COL28A1: variants seen among roughly 807,000 people sequenced by gnomAD.
COL28A1 encodes collagen type XXVIII alpha 1 chain.
A neutral mutation model predicts 150.2 loss-of-function variants in COL28A1; 161 were observed. The observed-to-expected ratio is 1.07, with a 90% confidence interval of 0.94 to 1.22. The LOEUF (loss-of-function observed/expected upper bound fraction) is 1.22. COL28A1 is among the 50% of genes most tolerant of loss of function. The pLI is 0.00. For missense variants in COL28A1, 1,617 were observed against 1,388.3 expected (o/e 1.16, Z -2.62); for synonymous variants, 552 against 469.7 (o/e 1.18, Z -2.26).
intron 11 of COL28A1, among the ~76,000 whole-genome samples, chr7:7,499,113 T>G (rs1001430033): frequency 1.3e-5 from 2 of 152,166 alleles, no homozygotes; most frequent in African/African-American, 2.4e-5. Flanking sequence ...CAGATGTGCA[T>G]GTAGGTCAAA....
chr7:7,377,387 G>A (rs886711032), intron 30 of COL28A1, among the ~76,000 whole-genome samples: 1 of 152,142 alleles, frequency 6.6e-6, no homozygotes, highest in African/African-American at 2.4e-5. Context: ...CCAGGAAGAA[G>A]CAGACAAACG....
chr7:7,444,556 G>C, intron 18 of COL28A1, 67 bp from the exon 19 acceptor site: 4 of 1,481,038 alleles, frequency 2.7e-6, no homozygotes, highest in Non-Finnish European at 3.8e-6. Context: ...CTTGCAATTG[G>C]ATGTATCTTA....
At chr7:7,375,347 A>G (rs1781484473) in intron 31 of COL28A1, 114 bp downstream of exon 31, 1 of 986,372 alleles carries the variant, frequency 1.0e-6, no homozygotes, top group Non-Finnish European at 1.4e-6. Context: ...AATGAGCTTC[A>G]CATTTTCCCG....
chr7:7,351,597 T>C (rs1429568356), downstream of COL28A1, among the ~76,000 whole-genome samples: 1 of 152,172 alleles, frequency 6.6e-6, no homozygotes, highest in Non-Finnish European at 1.5e-5. Flanking sequence ...GCTTTAGGGA[T>C]TCCTAATTTT....
At chr7:7,453,955 C>T (rs547271028) in intron 16 of COL28A1, among the ~76,000 whole-genome samples, 9 of 152,168 alleles carry the variant, frequency 5.9e-5, no homozygotes, top group Middle Eastern at 3.4e-3. Context: ...CTATCAAGAC[C>T]GATTAATAGA....
At chr7:7,471,336 A>AGC (rs1216442759) in intron 15 of COL28A1, among the ~76,000 whole-genome samples, 1 of 152,154 alleles carries the variant, frequency 6.6e-6, no homozygotes, top group Admixed American at 6.5e-5. Context: ...TCCACAAGAT[A>AGC]GAGAAAAAGG....
chr7:7,455,380 T>C (rs73346319), intron 16 of COL28A1, among the ~76,000 whole-genome samples: 2,353 of 152,326 alleles, frequency 0.015, 70 homozygotes, highest in African/African-American at 0.054. Context: ...CTTCACATTA[T>C]TTAGATTTAT....
chr7:7,374,597 C>T (rs548518280), intron 31 of COL28A1, among the ~76,000 whole-genome samples: 4 of 152,280 alleles, frequency 2.6e-5, no homozygotes, highest in African/African-American at 9.6e-5. Context: ...TTGCCAGAGT[C>T]ATCAGGAAAT....
intron 4 of COL28A1, among the ~76,000 whole-genome samples, chr7:7,522,675 C>T (rs1781790055): frequency 6.6e-6 from 1 of 151,990 alleles, no homozygotes; most frequent in South Asian, 2.1e-4. Flanking sequence ...AGGACATCAA[C>T]AACTCAGACA....
intron 14 of COL28A1, among the ~76,000 whole-genome samples, chr7:7,475,038 C>T (rs1364997256): frequency 6.6e-6 from 1 of 152,086 alleles, no homozygotes; most frequent in Admixed American, 6.6e-5. Flanking sequence ...GAAACTGGGT[C>T]CATCACACAA....
intron 16 of COL28A1, among the ~76,000 whole-genome samples, chr7:7,454,858 C>T (rs1027813845): frequency 2.0e-5 from 3 of 152,150 alleles, no homozygotes; most frequent in Non-Finnish European, 4.4e-5. Flanking sequence ...GCCCAAATGT[C>T]CAGCTCTTAA....
chr7:7,372,655 C>T (rs922383335), intron 32 of COL28A1, among the ~76,000 whole-genome samples: 3 of 151,988 alleles, frequency 2.0e-5, no homozygotes, highest in Non-Finnish European at 2.9e-5. Flanking sequence ...TTGGCTTGCT[C>T]GATCCCTTAT....
At position 7,360,536 on chromosome 7, in the gene COL28A1, A is replaced by C; in HGVS notation, c.3067-8T>G. On this transcript the variant is annotated splice_region_variant and splice_polypyrimidine_tract_variant and intron_variant, in intron 33 of 34. Coordinates refer to ENST00000399429, the MANE Select transcript of COL28A1 (RefSeq NM_001037763.3). ...GTCTCTGGTGACACTCAACTACACAAAAATATTCACATTTTGTGTTTCTGA... is the reference window on the plus strand; with the variant it reads ...GTCTCTGGTGACACTCAACTACACACAAATATTCACATTTTGTGTTTCTGA... 1 of 1,590,922 alleles carries C rather than the reference A, an allele frequency of 6.3e-7. No homozygotes were observed.
At chr7:7,432,323 C>G in intron 25 of COL28A1, 150 bp downstream of exon 25, 1 of 629,300 alleles carries the variant, frequency 1.6e-6, no homozygotes, top group Non-Finnish European at 2.8e-6. Flanking sequence ...ATTAGTTCCC[C>G]AGGAAGTCTA....
chr7:7,522,194 C>G (rs1281055101), intron 4 of COL28A1: 3 of 538,282 alleles, frequency 5.6e-6, no homozygotes, highest in Non-Finnish European at 1.0e-5. Flanking sequence ...TTATACCTAC[C>G]AAGAGCTAGC....
chr7:7,522,117 T>G, intron 4 of COL28A1, 156 bp from the exon 5 acceptor site: 1 of 685,564 alleles, frequency 1.5e-6, no homozygotes, highest in Non-Finnish European at 2.7e-6. Flanking sequence ...TGGAGCACTC[T>G]CAAAGAAATT....
intron 33 of COL28A1, among the ~76,000 whole-genome samples, chr7:7,368,919 T>C (rs1452214982): frequency 1.3e-5 from 2 of 152,226 alleles, no homozygotes; most frequent in African/African-American, 4.8e-5. Flanking sequence ...AAATTCATAA[T>C]GCATCTTGTA....
downstream of COL28A1, among the ~76,000 whole-genome samples, chr7:7,354,265 A>T (rs1780298542): frequency 6.6e-6 from 1 of 152,102 alleles, no homozygotes; most frequent in African/African-American, 2.4e-5. Flanking sequence ...AAGTGCTGCG[A>T]TTACAGGCAT....
the COL28A1 span, among the ~76,000 whole-genome samples, chr7:7,342,296 ATATTTT>A: frequency 1.3e-5 from 2 of 152,184 alleles, no homozygotes; most frequent in Admixed American, 1.3e-4. Context: ...TATTTTGTCC[ATATTTT>A]TATTTTTACT....
Sources: allele counts gnomAD v4.1 joint callset (sites outside exome capture counted in the v4.1 genomes callset), GRCh38; gene constraint gnomAD v4.1.1; transcripts MANE v1.5; gene names NCBI Gene and HGNC (gene_info 2026-07-23, HGNC 2026-07-21).